Variants in RHNO1 observed in about 807,000 individuals in gnomAD.
RHNO1 encodes the protein RAD9, HUS1, RAD1-interacting nuclear orphan protein 1.
RHNO1 carries 9 observed loss-of-function variants against 7.2 expected under a neutral mutation model. That is an observed-to-expected ratio of 1.25 (90% CI 0.75 to 2.18). The LOEUF (loss-of-function observed/expected upper bound fraction) is 2.18, where lower values mean the gene tolerates loss of function less well. Among genes scored for constraint, RHNO1 ranks in the 30% most tolerant of loss-of-function variants. The pLI is 0.00. For missense variants in RHNO1, 292 were observed against 284.5 expected, an observed-to-expected ratio of 1.03 and a Z score of -0.19; for synonymous variants, 95 against 107.5, an observed-to-expected ratio of 0.88 and a Z score of 0.72.
At chr12:2,881,356 G>C (rs1396500813) in intron 1 of RHNO1, among the ~76,000 whole-genome samples, 1 of 151,942 alleles carries the variant, frequency 6.6e-6, no homozygotes, top group East Asian at 1.9e-4. Flanking sequence ...GCCCGCCTCA[G>C]CTCCCTAAAC....
intron 1 of RHNO1, among the ~76,000 whole-genome samples, chr12:2,879,322 G>T (rs1357768532): frequency 8.0e-6 from 1 of 124,458 alleles, no homozygotes; most frequent in Admixed American, 8.4e-5. Flanking sequence ...TTTTAAACTT[G>T]TTGAATTTTT....
upstream of RHNO1, chr12:2,877,138 T>G (rs1014451999): frequency 6.6e-6 from 1 of 151,958 alleles, no homozygotes; most frequent in South Asian, 2.1e-4. Context: ...AGCTTTCAGT[T>G]TGTTCCGCTG....
intron 2 of RHNO1, 79 bp downstream of exon 2, chr12:2,885,613 C>T (rs956649048): frequency 9.5e-6 from 12 of 1,262,756 alleles, no homozygotes; most frequent in Middle Eastern, 2.9e-4. Flanking sequence ...CTCGCTCTAT[C>T]GCCCAGGCTG....
intron 1 of RHNO1, 46 bp from the exon 2 acceptor site, chr12:2,885,237 G>C: frequency 1.2e-6 from 1 of 802,304 alleles, no homozygotes; most frequent in South Asian, 1.8e-5. Flanking sequence ...AAGAACTGGG[G>C]AATCATCTGA....
At chr12:2,881,388 C>T (rs964344118) in intron 1 of RHNO1, among the ~76,000 whole-genome samples, 1 of 152,092 alleles carries the variant, frequency 6.6e-6, no homozygotes, top group East Asian at 1.9e-4. Flanking sequence ...AGGGCATGAG[C>T]CACTGCGCCC....
In RHNO1 at chr12:2,885,272, C is replaced by A; in HGVS notation, c.-84-11C>A. On this transcript the variant is annotated splice_polypyrimidine_tract_variant and intron_variant, in intron 1 of 2. Transcript: ENST00000489288. ...AATTATTTGCTCCCAGCTTTTGTTT[C>A]TTCTCTACAGGCATGGGTTGGAATT... The A allele has an allele frequency of 9.1e-7, 1 of 1,100,712 alleles. No individual in the cohort carries two copies. The highest frequency in any genetic ancestry group is 1.3e-6 in the Non-Finnish European group (1 of 764,846). The allele number at this position is 1,100,712 out of a possible 1,614,324, so 68.2% of individuals were successfully genotyped here.
chr12:2,888,355 G>C lies in RHNO1; in HGVS notation c.613G>C (p.Asp205His). ...TGTTCTGGTTAAAGACACCCCCGAG[G>C]ACAAGTATGGAATAAAGGTCACATG... ...GPVLVKDTPEDKYGIKVTWRR... is the reference protein window; with the variant it reads ...GPVLVKDTPEHKYGIKVTWRR... Residue 205 changes from aspartate to histidine, a missense_variant, in exon 3 of 3, where the codon GAC (aspartate) becomes CAC (histidine). Coordinates refer to ENST00000489288, the MANE Select transcript of RHNO1 (RefSeq NM_001252499.3). 1 of 1,614,122 alleles carries C rather than the reference G, an allele frequency of 6.2e-7. No homozygotes were observed. Among genetic ancestry groups the C allele is most frequent in the Non-Finnish European group, 8.5e-7 (1 of 1,180,022 alleles).
chr12:2,879,506 G>C (rs2098154661), intron 1 of RHNO1, among the ~76,000 whole-genome samples: 1 of 151,628 alleles, frequency 6.6e-6, no homozygotes, highest in South Asian at 2.1e-4. Context: ...CTGATTTTTT[G>C]TATTTTTTGT....
At chr12:2,884,384 G>A (rs1441341460) in intron 1 of RHNO1, among the ~76,000 whole-genome samples, 3 of 152,120 alleles carry the variant, frequency 2.0e-5, no homozygotes, top group Admixed American at 6.5e-5. Flanking sequence ...GTGCCACCAC[G>A]CCCAGCTAGT....
chr12:2,878,922 G>A (rs915100506), intron 1 of RHNO1, among the ~76,000 whole-genome samples: 24 of 151,910 alleles, frequency 1.6e-4, no homozygotes, highest in African/African-American at 5.8e-4. Flanking sequence ...GGGAATGATC[G>A]TGAATTCAGT....
chr12:2,884,985 G>C (rs117727690), intron 1 of RHNO1, among the ~76,000 whole-genome samples: 2 of 151,886 alleles, frequency 1.3e-5, no homozygotes, highest in Middle Eastern at 3.4e-3. Flanking sequence ...TCAGCTCCTC[G>C]AAACAGGGAT....
chr12:2,883,476 AATATATATATATATAT>A lies in RHNO1; in HGVS notation c.-84-1786_-84-1771del, dbSNP rs575732965. On this transcript the variant is annotated intron_variant, in intron 1 of 2. Coordinates refer to ENST00000489288, the MANE Select transcript of RHNO1 (RefSeq NM_001252499.3). Reference sequence around the variant, plus strand: ...TTAGTCATATTAATGGGAAGGATAGAATATATATATATATATATATATATATATATATATATTTTTT... The same window carrying A: ...TTAGTCATATTAATGGGAAGGATAGAATATATATATATATATATATTTTTT... Among the ~76,000 whole-genome samples the A allele has an allele frequency of 1.8e-3, 73 of 39,826 alleles. 1 individual carries two copies. The highest frequency in any genetic ancestry group is 2.7e-3 in the East Asian group (4 of 1,486). The allele number at this position is 39,826 out of a possible 152,430, so 26.1% of individuals were successfully genotyped here.
rs771626818 is a variant in RHNO1, at chr12:2,885,453, C to G, written c.87C>G (p.Ser29Arg). The G allele has an allele frequency of 1.2e-6, 2 of 1,613,658 alleles. No homozygotes were observed. The highest frequency in any genetic ancestry group is 1.7e-6 in the Non-Finnish European group (2 of 1,179,926). ...HQQPLEGPKH[S>R]CASTQLPITH... ...AACCACTGGAGGGCCCCAAACACAG[C>G]TGTGCATCTACACAGCTTCCCATCA... The change falls in exon 2 of 3, where the codon AGC (serine) becomes AGG (arginine). Residue 29 changes from serine to arginine, a missense_variant. Coordinates refer to ENST00000489288, the MANE Select transcript of RHNO1 (RefSeq NM_001252499.3).
At chr12:2,884,240 G>A (rs979536765) in intron 1 of RHNO1, among the ~76,000 whole-genome samples, 4 of 147,264 alleles carry the variant, frequency 2.7e-5, no homozygotes, top group African/African-American at 1.1e-4. Context: ...TTTTTTGTTT[G>A]TTTGTTTGTT....
At chr12:2,887,801 G>C in intron 2 of RHNO1, 110 bp from the exon 3 acceptor site, 1 of 833,926 alleles carries the variant, frequency 1.2e-6, no homozygotes, top group Non-Finnish European at 1.8e-6. Flanking sequence ...TTTTAGTTTT[G>C]TGTTCATTAC....
At chr12:2,879,215 A>G (rs1313733197) in intron 1 of RHNO1, among the ~76,000 whole-genome samples, 3 of 151,828 alleles carry the variant, frequency 2.0e-5, no homozygotes, top group Non-Finnish European at 4.4e-5. Flanking sequence ...TGTTGCCCAG[A>G]TTGATCTTGA....
At chr12:2,885,637 C>T (rs931666459) in intron 2 of RHNO1, 103 bp downstream of exon 2, 7 of 1,056,114 alleles carry the variant, frequency 6.6e-6, no homozygotes, top group East Asian at 2.8e-5. Context: ...CACAGTGGCG[C>T]GATCTTGGCT....
At chr12:2,885,766 G>A (rs1373464172) in intron 2 of RHNO1, 5 of 366,358 alleles carry the variant, frequency 1.4e-5, no homozygotes, top group Admixed American at 8.9e-5. Flanking sequence ...CAGTAGAGAT[G>A]GGGTTTCACC....
At chr12:2,883,507 ATATATTTTTTTTTTT>A (rs1398645253) in intron 1 of RHNO1, among the ~76,000 whole-genome samples, 5 of 26,230 alleles carry the variant, frequency 1.9e-4, no homozygotes, top group African/African-American at 1.2e-3. Flanking sequence ...ATATATATAT[ATATATTTTTTTTTTT>A]TTTTTTTTTT....
Sources: allele counts gnomAD v4.1 joint callset (sites outside exome capture counted in the v4.1 genomes callset), GRCh38; gene constraint gnomAD v4.1.1; transcripts MANE v1.5; gene names NCBI Gene and HGNC (gene_info 2026-07-23, HGNC 2026-07-21).